DLC1: variants seen among roughly 807,000 people sequenced by gnomAD.
The protein encoded by DLC1 is DLC1 Rho GTPase activating protein.
DLC1 carries 54 observed loss-of-function variants against 140.3 expected under a neutral mutation model. That is an observed-to-expected ratio of 0.38 (90% CI 0.31 to 0.48). DLC1 has a LOEUF of 0.48. DLC1 is among the 20% of genes least tolerant of loss of function. The pLI is 0.96. For missense variants in DLC1, 2,536 were observed against 1,907.0 expected, an observed-to-expected ratio of 1.33 and a Z score of -6.14; for synonymous variants, 986 against 728.1, an observed-to-expected ratio of 1.35 and a Z score of -5.70.
At chr8:13,557,128 T>G (rs947082661) in intron 1 of DLC1, among the ~76,000 whole-genome samples, 4 of 152,178 alleles carry the variant, frequency 2.6e-5, no homozygotes, top group Non-Finnish European at 5.9e-5. Context: ...TCTAGGGAAT[T>G]TCAGTGGCTT....
At chr8:13,428,256 T>C (rs1838689318) in intron 2 of DLC1, among the ~76,000 whole-genome samples, 1 of 152,076 alleles carries the variant, frequency 6.6e-6, no homozygotes, top group Non-Finnish European at 1.5e-5. Context: ...CCTGATACAA[T>C]CATAAATTCA....
chr8:13,425,972 C>G (rs972729290), intron 2 of DLC1, among the ~76,000 whole-genome samples: 2 of 152,080 alleles, frequency 1.3e-5, no homozygotes, highest in Admixed American at 6.6e-5. Context: ...ACCACCACAT[C>G]TGGCTAGTCT....
intron 2 of DLC1, among the ~76,000 whole-genome samples, chr8:13,422,130 A>C (rs1234467881): frequency 1.3e-5 from 2 of 152,146 alleles, no homozygotes; most frequent in African/African-American, 2.4e-5. Flanking sequence ...CAGACTTTTA[A>C]AATGAGTTTG....
chr8:13,207,407 T>C (rs1827719219), intron 5 of DLC1, among the ~76,000 whole-genome samples: 1 of 152,150 alleles, frequency 6.6e-6, no homozygotes, highest in Non-Finnish European at 1.5e-5. Flanking sequence ...TTTTCTACCT[T>C]CACGGCTTTT....
intron 4 of DLC1, among the ~76,000 whole-genome samples, chr8:13,367,097 A>C (rs1225848222): frequency 6.6e-6 from 1 of 152,168 alleles, no homozygotes; most frequent in African/African-American, 2.4e-5. Flanking sequence ...TAGAGGCCAG[A>C]TGACACTCAG....
At chr8:13,399,648 G>A (rs954283602) in intron 3 of DLC1, among the ~76,000 whole-genome samples, 9 of 152,116 alleles carry the variant, frequency 5.9e-5, no homozygotes, top group African/African-American at 1.9e-4. Flanking sequence ...GAAAACCACC[G>A]GATCCTGGGC....
At position 13,355,626 on chromosome 8, in the gene DLC1, C is replaced by G. The variant is rs148660815; in HGVS notation, c.1314+37927G>C. Reference sequence around the variant, plus strand: ...ATGAATTACTTCCTTACAGCAAAAACAATTACATCTGGGGTTAGGGCTTCA... The same window carrying G: ...ATGAATTACTTCCTTACAGCAAAAAGAATTACATCTGGGGTTAGGGCTTCA... On this transcript the variant is annotated intron_variant, in intron 4 of 17. Transcript: ENST00000276297. Among the ~76,000 whole-genome samples the G allele has an allele frequency of 4.7e-3, 720 of 152,258 alleles. 9 individuals are homozygous for G. The highest frequency in any genetic ancestry group is 0.016 in the African/African-American group (676 of 41,544).
rs186137946 is a variant in DLC1, at chr8:13,084,321, C to T, written c.*1490G>A. 4.5e-3 allele frequency: 691 copies of T among 152,626 alleles called. 2 individuals are homozygous for T. Among genetic ancestry groups the T allele is most frequent in the South Asian group, 0.014 (69 of 4,824 alleles). The allele number at this position is 152,626 out of a possible 1,614,324, so 9.5% of individuals were successfully genotyped here. ...TCTGATGCCCTGCCCCAAAATTCTT[C>T]AAAGAACCTTTGAAATAACACTGAA... On this transcript the variant is annotated 3_prime_UTR_variant, in exon 18 of 18. Coordinates refer to ENST00000276297, the MANE Select transcript of DLC1 (RefSeq NM_182643.3).
intron 5 of DLC1, among the ~76,000 whole-genome samples, chr8:13,299,195 C>T (rs564787376): frequency 1.3e-5 from 2 of 151,922 alleles, no homozygotes; most frequent in Admixed American, 1.3e-4. Context: ...GTAATCCCAG[C>T]ACTTTGGGAG....
intron 5 of DLC1, among the ~76,000 whole-genome samples, chr8:13,196,082 C>T (rs1165264495): frequency 7.2e-6 from 1 of 139,176 alleles, no homozygotes; most frequent in East Asian, 2.2e-4. Flanking sequence ...CAATGCTCTA[C>T]ATTCTGTATT....
chr8:13,443,686 AAAAC>A (rs1798648527), intron 2 of DLC1, among the ~76,000 whole-genome samples: 1 of 152,004 alleles, frequency 6.6e-6, no homozygotes, highest in Admixed American at 6.6e-5. Context: ...GAAAAAGAAA[AAAAC>A]AGAAAGAAAA....
intron 2 of DLC1, among the ~76,000 whole-genome samples, chr8:13,471,027 A>C (rs1800181123): frequency 6.6e-6 from 1 of 152,208 alleles, no homozygotes; most frequent in Non-Finnish European, 1.5e-5. Flanking sequence ...TATGCAAATG[A>C]AATAAGCCAC....
At chr8:13,596,713 C>T (rs1805690847) in intron 1 of DLC1, among the ~76,000 whole-genome samples, 1 of 151,960 alleles carries the variant, frequency 6.6e-6, no homozygotes, top group African/African-American at 2.4e-5. Flanking sequence ...CCTTCAGCCT[C>T]CATCTAAAAC....
chr8:13,512,391 A>T (rs1349025008), intron 1 of DLC1, among the ~76,000 whole-genome samples: 1 of 152,172 alleles, frequency 6.6e-6, no homozygotes, highest in African/African-American at 2.4e-5. Context: ...TATGATGCAG[A>T]TGAAATAGCC....
At chr8:13,383,897 G>C (rs577167857) in intron 4 of DLC1, among the ~76,000 whole-genome samples, 22 of 152,286 alleles carry the variant, frequency 1.4e-4, no homozygotes, top group African/African-American at 3.8e-4. Flanking sequence ...ACTGACTGCA[G>C]CCTCACGAAA....
chr8:13,155,502 A>G (rs1195539996), intron 5 of DLC1, among the ~76,000 whole-genome samples: 1 of 152,154 alleles, frequency 6.6e-6, no homozygotes, highest in Non-Finnish European at 1.5e-5. Flanking sequence ...AAACATGTTC[A>G]CCAAAGTAGG....
intron 4 of DLC1, among the ~76,000 whole-genome samples, chr8:13,349,090 C>G (rs1402124269): frequency 6.6e-6 from 1 of 152,134 alleles, no homozygotes; most frequent in Non-Finnish European, 1.5e-5. Context: ...CAACAGGAGA[C>G]AGGAAGTTTA....
intron 5 of DLC1, among the ~76,000 whole-genome samples, chr8:13,248,569 G>A (rs928286596): frequency 9.9e-5 from 15 of 152,110 alleles, no homozygotes; most frequent in Non-Finnish European, 1.9e-4. Flanking sequence ...CAGCCTCACC[G>A]TGGGAGGCAA....
chr8:13,593,410 A>G (rs960991945), intron 1 of DLC1, among the ~76,000 whole-genome samples: 8 of 152,102 alleles, frequency 5.3e-5, no homozygotes, highest in African/African-American at 1.9e-4. Context: ...TAACCATTCA[A>G]TTTGCACTGA....
Sources: allele counts gnomAD v4.1 joint callset (sites outside exome capture counted in the v4.1 genomes callset), GRCh38; gene constraint gnomAD v4.1.1; transcripts MANE v1.5; gene names NCBI Gene and HGNC (gene_info 2026-07-23, HGNC 2026-07-21).